The following PDZRN3 variants were observed in gnomAD, a reference collection of about 807,000 sequenced individuals.
PDZRN3 encodes the protein E3 ubiquitin-protein ligase PDZRN3.
In PDZRN3, 38 loss-of-function variants were observed where a neutral mutation model predicts 85.7. The observed-to-expected ratio is 0.44, with a 90% CI of 0.34 to 0.58. The LOEUF (loss-of-function observed/expected upper bound fraction) is 0.58. Among genes scored for constraint, PDZRN3 ranks in the 20% least tolerant of loss-of-function variants. The pLI is 0.01. For synonymous variants in PDZRN3, 759 were observed against 638.0 expected, an observed-to-expected ratio of 1.19 and a Z score of -2.86; for missense variants, 1,629 against 1,506.4, an observed-to-expected ratio of 1.08 and a Z score of -1.35.
At chr3:73,541,449 T>C (rs989741610) in intron 3 of PDZRN3, among the ~76,000 whole-genome samples, 2 of 152,214 alleles carry the variant, frequency 1.3e-5, no homozygotes, top group Non-Finnish European at 2.9e-5. Flanking sequence ...ACCATAATTA[T>C]CTCCTTTTTA....
At chr3:73,433,780 G>T (rs1356288218) in intron 3 of PDZRN3, 6 of 1,525,218 alleles carry the variant, frequency 3.9e-6, no homozygotes, top group Non-Finnish European at 5.3e-6. Context: ...TACAGTGCAG[G>T]CATTGAAGGT....
intron 3 of PDZRN3, among the ~76,000 whole-genome samples, chr3:73,573,316 T>A (rs185404822): frequency 2.2e-4 from 33 of 152,290 alleles, no homozygotes; most frequent in Admixed American, 1.3e-3. Context: ...CAATCTGCAA[T>A]GTGGCATCTG....
chr3:73,585,680 GACA>G (rs1267406592), intron 3 of PDZRN3, among the ~76,000 whole-genome samples: 1 of 152,132 alleles, frequency 6.6e-6, no homozygotes, highest in Non-Finnish European at 1.5e-5. Flanking sequence ...GAAATTCTGT[GACA>G]ACAACAGTGA....
intron 3 of PDZRN3, among the ~76,000 whole-genome samples, chr3:73,578,360 C>T (rs1014111948): frequency 7.9e-5 from 12 of 151,868 alleles, no homozygotes; most frequent in South Asian, 2.1e-4. Flanking sequence ...TTATTAGAGA[C>T]GGGGTTTCAC....
chr3:73,457,071 A>G (rs1192833753), intron 3 of PDZRN3, among the ~76,000 whole-genome samples: 1 of 152,120 alleles, frequency 6.6e-6, no homozygotes, highest in East Asian at 1.9e-4. Context: ...AGAAATTTCT[A>G]CCTTAGCTCA....
At chr3:73,588,500 G>A (rs1021315341) in intron 3 of PDZRN3, among the ~76,000 whole-genome samples, 11 of 152,204 alleles carry the variant, frequency 7.2e-5, no homozygotes, top group African/African-American at 2.4e-4. Context: ...TGCCCAGATC[G>A]GGAGCAGAAT....
At chr3:73,439,430 G>C (rs151298048) in intron 3 of PDZRN3, among the ~76,000 whole-genome samples, 3 of 152,190 alleles carry the variant, frequency 2.0e-5, no homozygotes, top group African/African-American at 7.2e-5. Flanking sequence ...TGCATGGCTA[G>C]AGAGCCCAAA....
chr3:73,462,725 C>A (rs993277291), intron 3 of PDZRN3, among the ~76,000 whole-genome samples: 38 of 152,110 alleles, frequency 2.5e-4, no homozygotes, highest in African/African-American at 8.9e-4. Flanking sequence ...AGGGGGTTAT[C>A]CTCATTCTGT....
At chr3:73,458,425 G>C (rs1703032209) in intron 3 of PDZRN3, among the ~76,000 whole-genome samples, 1 of 151,676 alleles carries the variant, frequency 6.6e-6, no homozygotes, top group South Asian at 2.1e-4. Context: ...AACTCCCTGT[G>C]CACAGATCCT....
intron 1 of PDZRN3, 121 bp downstream of exon 1, chr3:73,623,982 G>A (rs1702913099): frequency 4.0e-6 from 4 of 996,940 alleles, no homozygotes; most frequent in East Asian, 3.3e-5. Flanking sequence ...AGTGGAAGAA[G>A]AGGGAGGAAG....
At chr3:73,525,812 C>T (rs188483016) in intron 3 of PDZRN3, among the ~76,000 whole-genome samples, 11 of 152,338 alleles carry the variant, frequency 7.2e-5, no homozygotes, top group Admixed American at 1.3e-4. Context: ...ATTCGCCAGT[C>T]TCACGTGGTT....
chr3:73,491,593 C>T (rs67620079), intron 3 of PDZRN3, among the ~76,000 whole-genome samples: 88,147 of 132,458 alleles, frequency 0.67, 29,563 homozygotes, highest in East Asian at 0.88. Context: ...TGGAAGGTTC[C>T]TTTTTTTTTT....
At chr3:73,458,856 G>A (rs1011326661) in intron 3 of PDZRN3, among the ~76,000 whole-genome samples, 3 of 151,892 alleles carry the variant, frequency 2.0e-5, no homozygotes, top group African/African-American at 7.3e-5. Context: ...ACCAGGCGTA[G>A]TGGCACACGC....
intron 5 of PDZRN3, among the ~76,000 whole-genome samples, chr3:73,398,204 C>G (rs906764013): frequency 1.3e-5 from 2 of 152,290 alleles, no homozygotes; most frequent in South Asian, 2.1e-4. Context: ...GTGTCACATG[C>G]CTACGAGGGG....
At chr3:73,409,795 G>A (rs1701929457) in intron 3 of PDZRN3, among the ~76,000 whole-genome samples, 1 of 152,112 alleles carries the variant, frequency 6.6e-6, no homozygotes, top group Non-Finnish European at 1.5e-5. Context: ...CAACTTAATC[G>A]TAAGCAGTTC....
intron 3 of PDZRN3, among the ~76,000 whole-genome samples, chr3:73,529,583 T>A (rs1278659696): frequency 6.6e-6 from 1 of 152,160 alleles, no homozygotes; most frequent in Non-Finnish European, 1.5e-5. Context: ...CTTTCTATTA[T>A]CCGCAAAGCA....
chr3:73,603,890 C>CAT (rs1575760079), intron 2 of PDZRN3, among the ~76,000 whole-genome samples: 1 of 151,424 alleles, frequency 6.6e-6, no homozygotes, highest in East Asian at 2.0e-4. Flanking sequence ...CACACATACA[C>CAT]ACACACACAC....
chr3:73,497,924 G>T (rs1575691883), intron 3 of PDZRN3, among the ~76,000 whole-genome samples: 1 of 152,082 alleles, frequency 6.6e-6, no homozygotes, highest in African/African-American at 2.4e-5. Context: ...AGCACTTTAG[G>T]TATAGTATGC....
At chr3:73,494,635 A>G (rs1370860492) in intron 3 of PDZRN3, among the ~76,000 whole-genome samples, 1 of 152,236 alleles carries the variant, frequency 6.6e-6, no homozygotes, top group African/African-American at 2.4e-5. Context: ...TTGAAATAGA[A>G]TATTTAAGAG....
Sources: gnomAD v4.1 joint callset for allele counts (sites outside exome capture counted in the v4.1 genomes callset) on GRCh38, gnomAD v4.1.1 for gene constraint, MANE v1.5 for transcripts, NCBI Gene and HGNC (gene_info 2026-07-23, HGNC 2026-07-21) for gene names.